Variants in ABI3BP observed in about 807,000 individuals in gnomAD.
ABI3BP encodes the protein ABI family member 3 binding protein.
Under a neutral mutation model 268.6 loss-of-function variants are expected in ABI3BP, and 216 were observed. The observed-to-expected ratio is 0.80, with a 90% CI of 0.72 to 0.90. The LOEUF (loss-of-function observed/expected upper bound fraction) is 0.90, where lower values mean the gene tolerates loss of function less well. Among genes scored for constraint, ABI3BP ranks in the 40% least tolerant of loss-of-function variants. The pLI is 0.00. For missense variants in ABI3BP, 2,090 were observed against 2,182.4 expected (o/e 0.96, Z 0.84); for synonymous variants, 730 against 730.0 (o/e 1.00, Z 0.00).
chr3:100,809,959 C>A (rs1447113216), intron 49 of ABI3BP, among the ~76,000 whole-genome samples: 1 of 152,040 alleles, frequency 6.6e-6, no homozygotes, highest in African/African-American at 2.4e-5. Flanking sequence ...TGAATAACTA[C>A]AAGGTGACTG....
chr3:100,973,789 C>T lies in ABI3BP; in HGVS notation c.79+19517G>A, dbSNP rs143650854. ...TTATAGAATTTTAATGTTTGGCTTA[C>T]GATGACTCATGAATACAAGATATAG... On this transcript the variant is annotated intron_variant, in intron 1 of 67. Transcript: ENST00000471714. 1.4e-3 allele frequency among the ~76,000 whole-genome samples: 214 copies of T among 152,174 alleles called. 3 individuals carry two copies. Among genetic ancestry groups the T allele is most frequent in the African/African-American group, 4.6e-3 (193 of 41,518 alleles).
chr3:100,944,975 G>T (rs1165395678), intron 1 of ABI3BP, among the ~76,000 whole-genome samples: 1 of 152,102 alleles, frequency 6.6e-6, no homozygotes, highest in Admixed American at 6.5e-5. Flanking sequence ...GAGGGGTTCT[G>T]AGATCAACTT....
At chr3:100,758,150 C>T (rs1334310744) in intron 63 of ABI3BP, among the ~76,000 whole-genome samples, 3 of 151,986 alleles carry the variant, frequency 2.0e-5, no homozygotes, top group Non-Finnish European at 2.9e-5. Context: ...CATCAGGAGG[C>T]AGCATGATCC....
At position 100,839,591 on chromosome 3, in the gene ABI3BP, C is replaced by T. The variant is rs1244772533; in HGVS notation, c.1923G>A (p.Pro641=). 6.5e-6 allele frequency: 10 copies of T among 1,535,674 alleles called. No individual in the cohort carries two copies. Among genetic ancestry groups the T allele is most frequent in the Middle Eastern group, 1.7e-4 (1 of 6,010 alleles). Reference sequence around the variant, plus strand: ...TACCAGTTGTGGGCACCAAGGGCTCCGGTTGTATCGTGGCAGGTTCCAGAG... The same window carrying T: ...TACCAGTTGTGGGCACCAAGGGCTCTGGTTGTATCGTGGCAGGTTCCAGAG... ...KPALEPATIQ[P]EPLVPTTASK... is the part of the protein sequence containing the mutation. The change falls in exon 24 of 68, where the codon CCG becomes CCA. Residue 641 remains proline (P), a synonymous_variant. Transcript: ENST00000471714.
At chr3:100,957,455 T>C (rs993633823) in intron 1 of ABI3BP, among the ~76,000 whole-genome samples, 2 of 151,870 alleles carry the variant, frequency 1.3e-5, no homozygotes, top group African/African-American at 4.8e-5. Context: ...AAGTAGGGAG[T>C]TGGATAAATG....
chr3:100,970,191 T>C (rs2082966529), intron 1 of ABI3BP, among the ~76,000 whole-genome samples: 1 of 152,226 alleles, frequency 6.6e-6, no homozygotes, highest in Admixed American at 6.5e-5. Context: ...TCTTGAACTA[T>C]AATGAGCAAT....
At chr3:100,981,183 C>T (rs1171420925) in intron 1 of ABI3BP, among the ~76,000 whole-genome samples, 1 of 151,724 alleles carries the variant, frequency 6.6e-6, no homozygotes, top group Non-Finnish European at 1.5e-5. Context: ...GAACAGGAAG[C>T]AATGATATTC....
Position 100,821,105 on chromosome 3 carries a change from C to T in ABI3BP, c.2896G>A (p.Ala966Thr), listed in dbSNP as rs995749077. 6.5e-6 allele frequency: 10 copies of T among 1,535,642 alleles called. No individual in the cohort carries two copies. In the African/African-American group the frequency reaches 1.1e-4, roughly 17 times the overall value. Reference protein sequence around the residue: ...EAPESKPVPTAELKPVTLRTE... With the variant: ...EAPESKPVPTTELKPVTLRTE... ...CTGAGTGTAACAGGTTTGAGCTCCGCAGTAGGAACTGATCAAAAGCATTAA... is the reference window on the plus strand; with the variant it reads ...CTGAGTGTAACAGGTTTGAGCTCCGTAGTAGGAACTGATCAAAAGCATTAA... Residue 966 changes from alanine to threonine, a missense_variant, in exon 39 of 68, where the codon GCG (alanine) becomes ACG (threonine). By Grantham distance (58) the Ala-to-Thr change is moderately conservative. Transcript: ENST00000471714.
chr3:100,815,493 C>T (rs1378663045), intron 44 of ABI3BP, among the ~76,000 whole-genome samples: 2 of 152,030 alleles, frequency 1.3e-5, no homozygotes, highest in Admixed American at 1.3e-4. Context: ...AATAGGGACA[C>T]CTTATTCCTT....
chr3:100,870,835 C>G (rs932843180), intron 9 of ABI3BP, among the ~76,000 whole-genome samples: 14 of 152,146 alleles, frequency 9.2e-5, no homozygotes, highest in African/African-American at 3.4e-4. Flanking sequence ...TTATGGTACA[C>G]ACACACTGGA....
chr3:100,933,723 A>T (rs556740047), intron 1 of ABI3BP, among the ~76,000 whole-genome samples: 1 of 151,952 alleles, frequency 6.6e-6, no homozygotes, highest in South Asian at 2.1e-4. Context: ...CATGAAAAAA[A>T]TAACAAAAAT....
At chr3:100,833,971 A>G (rs1300897422) in intron 29 of ABI3BP, among the ~76,000 whole-genome samples, 2 of 152,108 alleles carry the variant, frequency 1.3e-5, no homozygotes, top group African/African-American at 4.8e-5. Context: ...TACAGGCTCT[A>G]CAAATTTCAA....
intron 55 of ABI3BP, among the ~76,000 whole-genome samples, chr3:100,792,211 T>C (rs1269594610): frequency 1.3e-5 from 2 of 151,906 alleles, no homozygotes; most frequent in Non-Finnish European, 2.9e-5. Flanking sequence ...GTTTAAATAT[T>C]GTCATAATTT....
chr3:100,933,513 T>C (rs1485712381), intron 1 of ABI3BP, among the ~76,000 whole-genome samples: 1 of 151,536 alleles, frequency 6.6e-6, no homozygotes, highest in Non-Finnish European at 1.5e-5. Context: ...ATATGGCATA[T>C]GAAGCACAGA....
At chr3:100,856,986 T>A (rs1379489552) in intron 14 of ABI3BP, among the ~76,000 whole-genome samples, 2 of 152,180 alleles carry the variant, frequency 1.3e-5, no homozygotes, top group Non-Finnish European at 2.9e-5. Context: ...AGAGAGAGAC[T>A]ATGTGATATG....
intron 9 of ABI3BP, among the ~76,000 whole-genome samples, chr3:100,873,349 T>G (rs1487726081): frequency 6.6e-6 from 1 of 152,094 alleles, no homozygotes; most frequent in Non-Finnish European, 1.5e-5. Flanking sequence ...AGAAGAAAAT[T>G]GGAAACAAGA....
At chr3:100,816,841 G>A in intron 42 of ABI3BP, 73 bp from the exon 43 acceptor site, 3 of 1,043,974 alleles carry the variant, frequency 2.9e-6, no homozygotes, top group Non-Finnish European at 4.2e-6. Context: ...TTAAAGGTAT[G>A]TCATATTTCC....
At chr3:100,948,648 A>AT (rs1300798455) in intron 1 of ABI3BP, among the ~76,000 whole-genome samples, 1 of 152,126 alleles carries the variant, frequency 6.6e-6, no homozygotes, top group Non-Finnish European at 1.5e-5. Context: ...CTGGTGGCAC[A>AT]TTTTCATCTC....
In ABI3BP at chr3:100,837,201, T is replaced by C. The variant is rs773094288; in HGVS notation, c.2084-30A>G. 3.3e-6 allele frequency: 5 copies of C among 1,516,998 alleles called. No homozygotes were observed. The South Asian group carries it at 4.9e-5, about 15-fold the overall frequency. The allele number at this position is 1,516,998 out of a possible 1,614,324, so 94.0% of individuals were successfully genotyped here. On this transcript the variant is annotated intron_variant, in intron 26 of 67. Coordinates refer to ENST00000471714, the MANE Select transcript of ABI3BP (RefSeq NM_001375547.2). ...ATCATAAAAAATAAACAGATATAAG[T>C]AATAAAAGCAAGGAAGTCTAAACTT...
Sources: gnomAD v4.1 joint callset for allele counts (sites outside exome capture counted in the v4.1 genomes callset) on GRCh38, gnomAD v4.1.1 for gene constraint, MANE v1.5 for transcripts, NCBI Gene and HGNC (gene_info 2026-07-23, HGNC 2026-07-21) for gene names.